The following CACNG3 variants were observed in gnomAD, a reference collection of about 807,000 sequenced individuals.
The protein encoded by CACNG3 is voltage-dependent calcium channel gamma-3 subunit.
In CACNG3, 3 loss-of-function variants were observed where a neutral mutation model predicts 28.5. The ratio of observed to expected loss-of-function variants is 0.11; its 90% CI spans 0.05 to 0.27. The LOEUF is 0.27. CACNG3 is among the 10% of genes least tolerant of loss of function. CACNG3 has a pLI of 1.00. For missense variants in CACNG3, 236 were observed against 414.4 expected (o/e 0.57, Z 3.74); for synonymous variants, 174 against 162.2 (o/e 1.07, Z -0.55).
intron 1 of CACNG3, among the ~76,000 whole-genome samples, chr16:24,290,839 A>G (rs1276259000): frequency 6.6e-6 from 1 of 152,182 alleles, no homozygotes; most frequent in Non-Finnish European, 1.5e-5. Context: ...ATAAAATAAA[A>G]TTTAGAACAT....
At chr16:24,282,127 C>A (rs1898836474) in intron 1 of CACNG3, among the ~76,000 whole-genome samples, 1 of 152,178 alleles carries the variant, frequency 6.6e-6, no homozygotes, top group African/African-American at 2.4e-5. Flanking sequence ...TATTTTTCCT[C>A]ACAACAACTT....
At chr16:24,355,082 A>T in intron 3 of CACNG3, 109 bp downstream of exon 3, 1 of 1,089,392 alleles carries the variant, frequency 9.2e-7, no homozygotes, top group Non-Finnish European at 1.3e-6. Flanking sequence ...GGAGCAAGAA[A>T]ATGTTCCAGT....
intron 1 of CACNG3, among the ~76,000 whole-genome samples, chr16:24,336,052 T>G (rs1462709704): frequency 6.6e-6 from 1 of 151,690 alleles, no homozygotes; most frequent in East Asian, 2.0e-4. Flanking sequence ...AAAACCAAGG[T>G]CTGCCTAACC....
chr16:24,345,350 C>G (rs549581004), intron 1 of CACNG3, among the ~76,000 whole-genome samples: 2 of 152,280 alleles, frequency 1.3e-5, no homozygotes, highest in South Asian at 4.1e-4. Context: ...GAGCTATTAA[C>G]TGCCCCCAGA....
intron 1 of CACNG3, among the ~76,000 whole-genome samples, chr16:24,308,636 C>G (rs995883946): frequency 1.3e-5 from 2 of 151,914 alleles, no homozygotes; most frequent in African/African-American, 4.8e-5. Context: ...GAGAGGATCG[C>G]TTGTGCTCAG....
At chr16:24,283,319 C>A (rs559155254) in intron 1 of CACNG3, among the ~76,000 whole-genome samples, 2 of 152,268 alleles carry the variant, frequency 1.3e-5, no homozygotes, top group South Asian at 4.1e-4. Context: ...GATATTGAGA[C>A]TTCGCATTTA....
At chr16:24,265,430 G>GGA (rs1567206427) in intron 1 of CACNG3, among the ~76,000 whole-genome samples, 11 of 26,182 alleles carry the variant, frequency 4.2e-4, no homozygotes, top group African/African-American at 1.8e-3. Context: ...AAGGAAGGAA[G>GGA]GAGAGAGAGA....
chr16:24,316,809 A>T (rs552329523), intron 1 of CACNG3, among the ~76,000 whole-genome samples: 40 of 152,328 alleles, frequency 2.6e-4, no homozygotes, highest in African/African-American at 9.1e-4. Flanking sequence ...CCCCATGTGG[A>T]GTGGAAACAA....
At chr16:24,259,753 A>G (rs1031649982) in intron 1 of CACNG3, among the ~76,000 whole-genome samples, 1 of 152,222 alleles carries the variant, frequency 6.6e-6, no homozygotes, top group South Asian at 2.1e-4. Context: ...TTTTACCTCA[A>G]TATAAATAAC....
intron 1 of CACNG3, among the ~76,000 whole-genome samples, chr16:24,291,949 G>A (rs1415566399): frequency 2.6e-5 from 4 of 152,112 alleles, no homozygotes; most frequent in Admixed American, 1.3e-4. Flanking sequence ...GAGGATGGAA[G>A]TTTGAAGGGA....
chr16:24,256,623 T>G lies in CACNG3; in HGVS notation c.-132T>G. The G allele has an allele frequency of 1.5e-6, 1 of 684,342 alleles. No homozygotes were observed. Among genetic ancestry groups the G allele is most frequent in the East Asian group, 2.5e-5 (1 of 40,146 alleles). 42.4% of individuals were successfully genotyped at this position (684,342 alleles called of 1,614,324 possible). On this transcript the variant is annotated 5_prime_UTR_variant, in exon 1 of 4. Coordinates refer to ENST00000005284, the MANE Select transcript of CACNG3 (RefSeq NM_006539.4). This position sits in a 1 kb window ranked among gnomAD's most constrained non-coding sequence, Gnocchi z 4.6. ...AATCCCAGCTTTCCCAAAGTCCCTG[T>G]GGATGCTGACAAAAGGAGACCTGAA... is the stretch of plus-strand genomic sequence containing the variant.
At chr16:24,296,626 A>G (rs976156567) in intron 1 of CACNG3, among the ~76,000 whole-genome samples, 4 of 152,170 alleles carry the variant, frequency 2.6e-5, no homozygotes, top group Admixed American at 6.5e-5. Context: ...TCTTAAGTAA[A>G]AGTATTAAAG....
chr16:24,286,886 C>T (rs1898902504), intron 1 of CACNG3, among the ~76,000 whole-genome samples: 1 of 152,200 alleles, frequency 6.6e-6, no homozygotes, highest in African/African-American at 2.4e-5. Context: ...CTGAGACTTT[C>T]ATTAGAGCCC....
At chr16:24,342,006 G>A (rs552649586) in intron 1 of CACNG3, among the ~76,000 whole-genome samples, 1 of 152,334 alleles carries the variant, frequency 6.6e-6, no homozygotes, top group Non-Finnish European at 1.5e-5. Flanking sequence ...GGTGGCTCAC[G>A]CCTGTCATCC....
chr16:24,283,053 A>G (rs1378821180), intron 1 of CACNG3, among the ~76,000 whole-genome samples: 1 of 151,998 alleles, frequency 6.6e-6, no homozygotes, highest in Non-Finnish European at 1.5e-5. Context: ...TATTTTTAGT[A>G]GAGACGAGTT....
chr16:24,268,905 C>T (rs570941895), intron 1 of CACNG3, among the ~76,000 whole-genome samples: 11 of 152,198 alleles, frequency 7.2e-5, no homozygotes, highest in Non-Finnish European at 1.3e-4. Flanking sequence ...CCCTCATCCT[C>T]AACTCCAGGT....
At position 24,361,223 on chromosome 16, in the gene CACNG3, T is replaced by C; in HGVS notation, c.437-129T>C. 1.3e-6 allele frequency: 1 copy of C among 742,154 alleles called. No individual in the cohort carries two copies. Among genetic ancestry groups the C allele is most frequent in the Non-Finnish European group, 2.2e-6 (1 of 450,006 alleles). The allele number at this position is 742,154 out of a possible 1,614,324, so 46.0% of individuals were successfully genotyped here. A position where few individuals can be genotyped will look rare whatever the true frequency, so the allele number is the denominator to read the frequency against. On this transcript the variant is annotated intron_variant, in intron 3 of 3. Transcript: ENST00000005284. The surrounding 1 kb of genome is among the most constrained non-coding windows in gnomAD (Gnocchi z 6.8). ...ATGCAAGAAGAACTAGGTGGTTGGA[T>C]TTCCCAGCTATAATCCATTCTCCTC... is the stretch of plus-strand genomic sequence containing the variant.
intron 2 of CACNG3, among the ~76,000 whole-genome samples, chr16:24,349,058 T>C (rs1388503554): frequency 2.0e-5 from 3 of 152,220 alleles, no homozygotes; most frequent in Admixed American, 6.5e-5. Flanking sequence ...AACACAGATT[T>C]CCTGCTGAGA....
chr16:24,256,645 T>A lies in CACNG3; in HGVS notation c.-110T>A, dbSNP rs368009855. 2 of 748,306 alleles carry A rather than the reference T, an allele frequency of 2.7e-6. No individual in the cohort carries two copies. Among genetic ancestry groups the A allele is most frequent in the Admixed American group, 2.0e-5 (1 of 49,034 alleles). 46.4% of individuals were successfully genotyped at this position (748,306 alleles called of 1,614,324 possible). On this transcript the variant is annotated 5_prime_UTR_variant, in exon 1 of 4. Coordinates refer to ENST00000005284, the MANE Select transcript of CACNG3 (RefSeq NM_006539.4). The surrounding 1 kb of genome is among the most constrained non-coding windows in gnomAD (Gnocchi z 4.6). ...CTGTGGATGCTGACAAAAGGAGACC[T>A]GAATTTTTGGAAGAGCCTGTACTAG... is the stretch of plus-strand genomic sequence containing the variant.
Sources: gnomAD v4.1 joint callset for allele counts (sites outside exome capture counted in the v4.1 genomes callset) on GRCh38, gnomAD v4.1.1 for gene constraint, Gnocchi (gnomAD v3.1) non-coding constraint, MANE v1.5 for transcripts, NCBI Gene and HGNC (gene_info 2026-07-23, HGNC 2026-07-21) for gene names.